Variants in SLC39A11 observed in about 807,000 individuals in gnomAD.
SLC39A11 encodes the protein zinc transporter ZIP11.
A neutral mutation model predicts 36.1 loss-of-function variants in SLC39A11; 33 were observed. The observed-to-expected ratio is 0.91, with a 90% CI of 0.69 to 1.22. SLC39A11 has a LOEUF of 1.22. Ranked by LOEUF, SLC39A11 falls within the 50% of genes most tolerant of loss-of-function variation. The pLI, the probability that SLC39A11 is intolerant of heterozygous loss-of-function variation, is 0.00. For missense variants in SLC39A11, 432 were observed against 430.3 expected (o/e 1.00, Z -0.03); for synonymous variants, 166 against 170.3 (o/e 0.97, Z 0.20).
intron 7 of SLC39A11, among the ~76,000 whole-genome samples, chr17:72,654,527 T>C (rs2070015573): frequency 6.6e-6 from 1 of 152,214 alleles, no homozygotes; most frequent in Non-Finnish European, 1.5e-5. Flanking sequence ...TTCTTGCCAA[T>C]ATTTCATAAG....
chr17:72,735,060 G>C (rs1181060304), intron 7 of SLC39A11, among the ~76,000 whole-genome samples: 1 of 152,144 alleles, frequency 6.6e-6, no homozygotes, highest in East Asian at 1.9e-4. Flanking sequence ...ACATTCTAAA[G>C]GCTCTGCCCT....
At chr17:72,756,352 T>C (rs1411793211) in intron 6 of SLC39A11, among the ~76,000 whole-genome samples, 1 of 152,218 alleles carries the variant, frequency 6.6e-6, no homozygotes, top group Non-Finnish European at 1.5e-5. Flanking sequence ...AGCAGCACTA[T>C]TCACAGCAGC....
intron 4 of SLC39A11, among the ~76,000 whole-genome samples, chr17:73,009,953 G>A (rs1426862890): frequency 6.7e-6 from 1 of 149,090 alleles, no homozygotes; most frequent in East Asian, 2.0e-4. Context: ...TGTTCTCATC[G>A]AATACAACAA....
At chr17:72,709,444 A>T (rs1311392725) in intron 7 of SLC39A11, among the ~76,000 whole-genome samples, 1 of 152,164 alleles carries the variant, frequency 6.6e-6, no homozygotes, top group African/African-American at 2.4e-5. Flanking sequence ...CCAGGTGTGG[A>T]CACCTGCCTC....
chr17:72,731,972 C>T (rs189681544), intron 7 of SLC39A11, among the ~76,000 whole-genome samples: 1 of 150,816 alleles, frequency 6.6e-6, no homozygotes. Flanking sequence ...GGTGATCCAC[C>T]CACCTTGGCC....
At chr17:72,674,596 T>C (rs1490892430) in intron 7 of SLC39A11, among the ~76,000 whole-genome samples, 1 of 152,220 alleles carries the variant, frequency 6.6e-6, no homozygotes, top group African/African-American at 2.4e-5. Context: ...GAAATGCGTA[T>C]GTACTTTTAT....
chr17:72,975,749 G>A (rs1225715845), intron 4 of SLC39A11, among the ~76,000 whole-genome samples: 1 of 152,324 alleles, frequency 6.6e-6, no homozygotes, highest in African/African-American at 2.4e-5. Context: ...AATGACTGAA[G>A]TACAATAGAC....
intron 7 of SLC39A11, among the ~76,000 whole-genome samples, chr17:72,695,602 A>G (rs974558600): frequency 2.0e-5 from 3 of 151,380 alleles, no homozygotes; most frequent in African/African-American, 7.2e-5. Flanking sequence ...ACCTAGGAAT[A>G]TGATTTATTT....
chr17:72,799,881 G>T (rs2145206661), intron 6 of SLC39A11, among the ~76,000 whole-genome samples: 1 of 151,866 alleles, frequency 6.6e-6, no homozygotes. Context: ...TGAAGCATGT[G>T]ATCTTTGTAC....
chr17:73,041,102 C>T (rs113309052), intron 3 of SLC39A11, among the ~76,000 whole-genome samples: 51 of 151,890 alleles, frequency 3.4e-4, no homozygotes, highest in African/African-American at 1.2e-3. Flanking sequence ...AGGTTTACTA[C>T]ACTAATGTGA....
chr17:72,803,105 T>C (rs148779054), intron 6 of SLC39A11, among the ~76,000 whole-genome samples: 355 of 152,372 alleles, frequency 2.3e-3, no homozygotes, highest in African/African-American at 8.2e-3. Context: ...GTTTCCCAAA[T>C]AGAAGATTAA....
At chr17:73,009,058 CAAAAAA>C in intron 4 of SLC39A11, among the ~76,000 whole-genome samples, 1 of 78,812 alleles carries the variant, frequency 1.3e-5, no homozygotes, top group Non-Finnish European at 2.5e-5. Flanking sequence ...AGACCTGCCT[CAAAAAA>C]AAAAAAAAAA....
chr17:72,753,900 A>AC (rs904062109), intron 6 of SLC39A11, among the ~76,000 whole-genome samples: 1 of 149,540 alleles, frequency 6.7e-6, no homozygotes, highest in Non-Finnish European at 1.5e-5. Context: ...AAAAAAAAAA[A>AC]AAAAAAAAAA....
chr17:72,773,673 A>ACAC (rs1461598049), intron 6 of SLC39A11, among the ~76,000 whole-genome samples: 1 of 148,902 alleles, frequency 6.7e-6, no homozygotes, highest in East Asian at 2.1e-4. Flanking sequence ...ACACACACAC[A>ACAC]CACACCCAGT....
chr17:72,805,367 G>A (rs2077216981), intron 6 of SLC39A11, among the ~76,000 whole-genome samples: 1 of 152,164 alleles, frequency 6.6e-6, no homozygotes, highest in Non-Finnish European at 1.5e-5. Flanking sequence ...TGCTTGGAAT[G>A]CATCCCAGGG....
intron 5 of SLC39A11, among the ~76,000 whole-genome samples, chr17:72,928,050 A>C (rs1367615000): frequency 6.6e-6 from 1 of 152,256 alleles, no homozygotes; most frequent in Non-Finnish European, 1.5e-5. Context: ...TCCAAAAAAA[A>C]AGATAAAATT....
chr17:73,027,722 T>A (rs1468556797), intron 4 of SLC39A11, among the ~76,000 whole-genome samples: 5 of 152,222 alleles, frequency 3.3e-5, no homozygotes, highest in African/African-American at 1.2e-4. Flanking sequence ...AAGAGTGTGA[T>A]GCCCTTCACG....
At chr17:73,062,475 A>AAAAAAAAAAAAAAAAAAAAACAAAC (rs56021607) in intron 3 of SLC39A11, among the ~76,000 whole-genome samples, 3 of 87,034 alleles carry the variant, frequency 3.4e-5, no homozygotes, top group East Asian at 4.0e-4. Context: ...AAAAAAAAAA[A>AAAAAAAAAAAAAAAAAAAAACAAAC]AAACTTTAGG....
intron 3 of SLC39A11, 53 bp from the exon 4 acceptor site, chr17:73,031,767 C>T (rs1467595653): frequency 3.2e-6 from 5 of 1,581,868 alleles, no homozygotes; most frequent in Non-Finnish European, 4.3e-6. Flanking sequence ...GAAGGCTTTC[C>T]AGGCAGGACC....
Sources: allele counts gnomAD v4.1 joint callset (sites outside exome capture counted in the v4.1 genomes callset), GRCh38; gene constraint gnomAD v4.1.1; transcripts MANE v1.5; gene names NCBI Gene and HGNC (gene_info 2026-07-23, HGNC 2026-07-21).